Variants in RPS6KA2 observed in about 807,000 individuals in gnomAD.
The protein encoded by RPS6KA2 is ribosomal protein S6 kinase alpha-2.
In RPS6KA2, 42 loss-of-function variants were observed where a neutral mutation model predicts 91.8. The ratio of observed to expected loss-of-function variants is 0.46; its 90% CI spans 0.36 to 0.59. RPS6KA2 has a LOEUF of 0.59. RPS6KA2 is among the 20% of genes least tolerant of loss of function. The pLI is 0.00. For synonymous variants in RPS6KA2, 414 were observed against 393.6 expected (o/e 1.05, Z -0.61); for missense variants, 798 against 978.5 (o/e 0.82, Z 2.46).
At chr6:166,781,324 A>C (rs1161475436) in intron 2 of RPS6KA2, among the ~76,000 whole-genome samples, 2 of 152,226 alleles carry the variant, frequency 1.3e-5, no homozygotes, top group Non-Finnish European at 2.9e-5. Context: ...TGACTTCTTA[A>C]CGTCAGTGGC....
chr6:166,721,234 C>CG (rs1490580245), intron 2 of RPS6KA2, among the ~76,000 whole-genome samples: 1 of 152,166 alleles, frequency 6.6e-6, no homozygotes, highest in Non-Finnish European at 1.5e-5. Flanking sequence ...CGGGGGACAT[C>CG]GGGGGTGCGA....
chr6:166,576,451 G>C (rs1039803804), intron 1 of RPS6KA2, among the ~76,000 whole-genome samples: 3 of 152,220 alleles, frequency 2.0e-5, no homozygotes, highest in Non-Finnish European at 2.9e-5. Context: ...TAATGACGTA[G>C]ACAATAAAGT....
intron 1 of RPS6KA2, among the ~76,000 whole-genome samples, chr6:166,580,120 A>G (rs2128515130): frequency 6.6e-6 from 1 of 152,290 alleles, no homozygotes; most frequent in Admixed American, 6.5e-5. Context: ...CCTTGGTTCT[A>G]ATGATCAGGG....
At chr6:166,555,237 TA>T (rs1784143348) in intron 1 of RPS6KA2, among the ~76,000 whole-genome samples, 1 of 152,216 alleles carries the variant, frequency 6.6e-6, no homozygotes, top group African/African-American at 2.4e-5. Context: ...AATACAGTTC[TA>T]AGCAGCATTC....
intron 3 of RPS6KA2, among the ~76,000 whole-genome samples, chr6:166,520,630 T>C (rs1483382891): frequency 6.6e-6 from 1 of 152,208 alleles, no homozygotes; most frequent in Non-Finnish European, 1.5e-5. Context: ...GAAGTAGCTT[T>C]GGAAATGGGT....
intron 2 of RPS6KA2, among the ~76,000 whole-genome samples, chr6:166,839,057 C>G (rs550645664): frequency 6.6e-6 from 1 of 152,252 alleles, no homozygotes; most frequent in Non-Finnish European, 1.5e-5. Flanking sequence ...CAGCCTCTGC[C>G]AACTCCTCGA....
chr6:166,588,274 C>G (rs1785245184), intron 1 of RPS6KA2, among the ~76,000 whole-genome samples: 1 of 152,214 alleles, frequency 6.6e-6, no homozygotes, highest in African/African-American at 2.4e-5. Context: ...AATCAAATCT[C>G]TGCAAAGAAA....
intron 2 of RPS6KA2, among the ~76,000 whole-genome samples, chr6:166,802,940 GTGTGTATA>G (rs747044171): frequency 1.8e-3 from 263 of 147,898 alleles, no homozygotes; most frequent in African/African-American, 6.1e-3. Context: ...ATATGTGTGT[GTGTGTATA>G]TATATATATA....
At chr6:166,477,420 C>T (rs1337950949) in intron 10 of RPS6KA2, among the ~76,000 whole-genome samples, 1 of 152,042 alleles carries the variant, frequency 6.6e-6, no homozygotes, top group African/African-American at 2.4e-5. Flanking sequence ...AAACCAAATA[C>T]TAAAACAATA....
chr6:166,491,767 C>G (rs546479388), intron 8 of RPS6KA2, among the ~76,000 whole-genome samples: 1 of 152,298 alleles, frequency 6.6e-6, no homozygotes, highest in Admixed American at 6.5e-5. Flanking sequence ...ACGCAGAATT[C>G]CATTACCCAA....
intron 1 of RPS6KA2, among the ~76,000 whole-genome samples, chr6:166,624,003 G>GTA (rs1318406024): frequency 6.6e-6 from 1 of 152,026 alleles, no homozygotes; most frequent in East Asian, 1.9e-4. Context: ...TTAAAATCAA[G>GTA]TATGTTCAGA....
chr6:166,415,994 ATCC>A (rs1248418480), intron 19 of RPS6KA2, among the ~76,000 whole-genome samples: 1 of 74,022 alleles, frequency 1.4e-5, no homozygotes. Flanking sequence ...CATCCTCACC[ATCC>A]TCCTCCATCA....
At chr6:166,680,162 ACT>A (rs1323070956) in intron 2 of RPS6KA2, among the ~76,000 whole-genome samples, 8 of 151,788 alleles carry the variant, frequency 5.3e-5, no homozygotes, top group Middle Eastern at 3.4e-3. Context: ...ACCAATCAGC[ACT>A]CTGTGTCTAG....
At chr6:166,581,951 T>C (rs919141587) in intron 1 of RPS6KA2, among the ~76,000 whole-genome samples, 4 of 26,108 alleles carry the variant, frequency 1.5e-4, no homozygotes, top group Non-Finnish European at 2.8e-4. Flanking sequence ...AGGGAGAGGG[T>C]GAGATAGGGT....
intron 2 of RPS6KA2, among the ~76,000 whole-genome samples, chr6:166,824,332 G>A (rs1366873738): frequency 3.3e-5 from 5 of 152,198 alleles, no homozygotes; most frequent in African/African-American, 9.7e-5. Flanking sequence ...AGAAGCCGCC[G>A]TGTGGGGCGA....
chr6:166,606,731 G>A (rs1416633429), intron 1 of RPS6KA2, among the ~76,000 whole-genome samples: 2 of 152,168 alleles, frequency 1.3e-5, no homozygotes, highest in African/African-American at 2.4e-5. Flanking sequence ...AAAAACATGA[G>A]AAGATGCTCT....
chr6:166,486,591 C>A (rs971610645), intron 10 of RPS6KA2, among the ~76,000 whole-genome samples: 2 of 152,258 alleles, frequency 1.3e-5, no homozygotes, highest in Middle Eastern at 6.3e-3. Flanking sequence ...TAGTTTTCAT[C>A]CAATGCACTG....
chr6:166,820,250 C>A (rs2128622954), intron 2 of RPS6KA2, among the ~76,000 whole-genome samples: 1 of 152,288 alleles, frequency 6.6e-6, no homozygotes, highest in African/African-American at 2.4e-5. Flanking sequence ...AAAACTGCCC[C>A]ACCCACCGAC....
chr6:166,640,724 G>A (rs1244510033), intron 2 of RPS6KA2, among the ~76,000 whole-genome samples: 2 of 152,058 alleles, frequency 1.3e-5, no homozygotes, highest in Non-Finnish European at 2.9e-5. Flanking sequence ...ATATTGTGAG[G>A]TCGAGCACTG....
Sources: allele counts gnomAD v4.1 joint callset (sites outside exome capture counted in the v4.1 genomes callset), GRCh38; gene constraint gnomAD v4.1.1; transcripts MANE v1.5; gene names NCBI Gene and HGNC (gene_info 2026-07-23, HGNC 2026-07-21).